The following SUMF1 variants were observed in gnomAD, a reference collection of about 807,000 sequenced individuals.
SUMF1 encodes formylglycine-generating enzyme.
SUMF1 carries 48 observed loss-of-function variants against 47.6 expected under a neutral mutation model. That is an observed-to-expected ratio of 1.01 (90% CI 0.80 to 1.28). The LOEUF (loss-of-function observed/expected upper bound fraction) is 1.28, where lower values mean the gene tolerates loss of function less well. Among genes scored for constraint, SUMF1 ranks in the 50% most tolerant of loss-of-function variants. The probability of loss-of-function intolerance (pLI) is 0.00; values close to 1 mark genes in which losing one functional copy is unlikely to be tolerated. For synonymous variants in SUMF1, 230 were observed against 192.1 expected (o/e 1.20, Z -1.63); for missense variants, 571 against 485.4 (o/e 1.18, Z -1.66).
intron 8 of SUMF1, chr3:4,313,548 A>G (rs2125099872): frequency 6.2e-7 from 1 of 1,614,062 alleles, no homozygotes; most frequent in South Asian, 1.1e-5. Context: ...ATCTTAATCT[A>G]ACAGTCAGTG....
intron 8 of SUMF1, among the ~76,000 whole-genome samples, chr3:4,181,025 G>A (rs1444061): frequency 0.66 from 100,003 of 151,846 alleles, 33,058 homozygotes; most frequent in South Asian, 0.73. Context: ...TCAAGTAGCT[G>A]GAGTAAAAAT....
intron 8 of SUMF1, among the ~76,000 whole-genome samples, chr3:4,188,924 T>A (rs1488281777): frequency 6.6e-6 from 1 of 152,188 alleles, no homozygotes; most frequent in Non-Finnish European, 1.5e-5. Flanking sequence ...GTAATAAATC[T>A]TAGTTATTAG....
rs560650773 is a variant in SUMF1, at chr3:4,381,576, T to C, written c.955-5187A>G. 5.9e-5 allele frequency among the ~76,000 whole-genome samples: 9 copies of C among 152,348 alleles called. No individual in the cohort carries two copies. The South Asian group carries it at 1.7e-3, about 28-fold the overall frequency. The stretch of plus-strand genomic sequence containing the variant: ...GCACCCACTACAAAGAATGAGGCAC[T>C]TCTGTATGTGTACACTTTACTATCA... On this transcript the variant is annotated intron_variant, in intron 7 of 8. Transcript: ENST00000272902.
At chr3:4,353,467 T>C (rs1224941595) in intron 8 of SUMF1, among the ~76,000 whole-genome samples, 8 of 152,266 alleles carry the variant, frequency 5.3e-5, no homozygotes, top group Non-Finnish European at 1.0e-4. Flanking sequence ...TTAGCCAGGA[T>C]GGTCTCGATC....
rs145051670 is a variant in SUMF1 at position 4,346,897 on chromosome 3, A to G, written c.1014+29433T>C. Among the ~76,000 whole-genome samples, 731 of 152,336 alleles carry G rather than the reference A, an allele frequency of 4.8e-3. 7 individuals are homozygous for G. The highest frequency in any genetic ancestry group is 0.017 in the African/African-American group (705 of 41,574). On this transcript the variant is annotated intron_variant and NMD_transcript_variant, in intron 8 of 12. Coordinates refer to the SUMF1 transcript ENST00000448413. ...TTACAAACTACCATCAGAGAATACTATAAACACCTCTACACAAATAAACTA... is the reference window on the plus strand; with the variant it reads ...TTACAAACTACCATCAGAGAATACTGTAAACACCTCTACACAAATAAACTA...
chr3:4,078,972 A>G (rs1692499970), intron 8 of SUMF1, among the ~76,000 whole-genome samples: 1 of 152,068 alleles, frequency 6.6e-6, no homozygotes, highest in South Asian at 2.1e-4. Context: ...AGACTTGGCA[A>G]TGTTTTGCTA....
intron 8 of SUMF1, among the ~76,000 whole-genome samples, chr3:4,335,735 G>A (rs973458224): frequency 2.0e-5 from 3 of 151,982 alleles, no homozygotes; most frequent in African/African-American, 7.3e-5. Context: ...ACGAGGTCAG[G>A]AGTACAAGAC....
chr3:4,262,822 G>A (rs1184626467), intron 8 of SUMF1, among the ~76,000 whole-genome samples: 2 of 152,162 alleles, frequency 1.3e-5, no homozygotes, highest in African/African-American at 4.8e-5. Flanking sequence ...AATAGGCGAG[G>A]TCCACCCCAA....
intron 1 of SUMF1, among the ~76,000 whole-genome samples, chr3:4,465,427 G>A (rs1357045944): frequency 2.0e-5 from 3 of 151,690 alleles, no homozygotes; most frequent in Non-Finnish European, 4.4e-5. Flanking sequence ...TGCAGTGAGC[G>A]GAGATCGCGC....
chr3:4,461,222 T>C (rs1436146949), intron 1 of SUMF1, among the ~76,000 whole-genome samples: 1 of 152,214 alleles, frequency 6.6e-6, no homozygotes, highest in African/African-American at 2.4e-5. Context: ...GTCTAACAGA[T>C]GTAGGTCAAG....
At chr3:4,360,205 C>CTTTTTTTTTTTTTTTTTTTTTT (rs57690047), downstream of SUMF1, among the ~76,000 whole-genome samples, 2 of 104,140 alleles carry the variant, frequency 1.9e-5, no homozygotes, top group East Asian at 2.8e-4. Flanking sequence ...AATGTTTGTT[C>CTTTTTTTTTTTTTTTTTTTTTT]TTTTTTTTTT....
intron 6 of SUMF1, among the ~76,000 whole-genome samples, chr3:4,411,444 A>C (rs754516851): frequency 9.2e-5 from 14 of 152,102 alleles, no homozygotes; most frequent in Non-Finnish European, 1.9e-4. Context: ...TCCTCTCCAC[A>C]AGTTTCTGCC....
At chr3:4,258,199 C>T (rs1181866451) in intron 8 of SUMF1, among the ~76,000 whole-genome samples, 4,526 of 144,328 alleles carry the variant, frequency 0.031, 233 homozygotes, top group African/African-American at 0.12. Context: ...GACATAGGCA[C>T]GGGCAAGGAC....
intron 6 of SUMF1, among the ~76,000 whole-genome samples, chr3:4,411,705 GAAAA>G (rs35731250): frequency 1.8e-5 from 2 of 114,250 alleles, no homozygotes; most frequent in Non-Finnish European, 3.6e-5. Flanking sequence ...AGAGCAGGAG[GAAAA>G]AAAAAAAAAA....
At position 4,361,762 on chromosome 3, in the gene SUMF1, T is replaced by C. The variant is rs1699765132; in HGVS notation, c.*382A>G. 1 of 278,352 alleles carries C rather than the reference T, an allele frequency of 3.6e-6. No homozygotes were observed. Among genetic ancestry groups the C allele is most frequent in the Non-Finnish European group, 7.0e-6 (1 of 142,520 alleles). The allele number at this position is 278,352 out of a possible 1,614,324, so 17.2% of individuals were successfully genotyped here. On this transcript the variant is annotated 3_prime_UTR_variant, in exon 9 of 9. Transcript: ENST00000272902. ...AGACACCCAGAGGTCATGCTGTCCA[T>C]CCCTTCATTTGATAGGGGAGGGCAC...
chr3:4,419,885 G>C (rs711667), intron 4 of SUMF1, among the ~76,000 whole-genome samples, 179 bp downstream of exon 4: 1 of 152,148 alleles, frequency 6.6e-6, no homozygotes, highest in African/African-American at 2.4e-5. Context: ...TGAGCAAGGT[G>C]CAGTGTTTGG....
intron 1 of SUMF1, among the ~76,000 whole-genome samples, chr3:4,466,214 C>T (rs1475761760): frequency 6.6e-6 from 1 of 152,120 alleles, no homozygotes. Flanking sequence ...CGGGTTCCAG[C>T]AATTCTCCTG....
chr3:4,041,604 A>G (rs1400591490), intron 9 of SUMF1, among the ~76,000 whole-genome samples: 9 of 152,156 alleles, frequency 5.9e-5, no homozygotes, highest in Non-Finnish European at 1.2e-4. Flanking sequence ...ATATCTACAG[A>G]CCAGACACAA....
chr3:4,345,893 C>G (rs184272399), intron 8 of SUMF1, among the ~76,000 whole-genome samples: 2 of 152,218 alleles, frequency 1.3e-5, no homozygotes, highest in Admixed American at 1.3e-4. Context: ...ATCCTAGGCT[C>G]TGACAAAAGA....
Sources: allele counts gnomAD v4.1 joint callset (sites outside exome capture counted in the v4.1 genomes callset), GRCh38; gene constraint gnomAD v4.1.1; transcripts MANE v1.5; gene names NCBI Gene and HGNC (gene_info 2026-07-23, HGNC 2026-07-21).